ROR2: variants seen among roughly 807,000 people sequenced by gnomAD.
The protein encoded by ROR2 is tyrosine-protein kinase transmembrane receptor ROR2.
In ROR2, 33 loss-of-function variants were observed where a neutral mutation model predicts 74.9. The observed-to-expected ratio is 0.44, with a 90% CI of 0.33 to 0.59. The LOEUF is 0.59. Among genes scored for constraint, ROR2 ranks in the 20% least tolerant of loss-of-function variants. ROR2 has a pLI of 0.02. For synonymous variants in ROR2, 586 were observed against 558.7 expected, an observed-to-expected ratio of 1.05 and a Z score of -0.69; for missense variants, 1,216 against 1,313.8, an observed-to-expected ratio of 0.93 and a Z score of 1.15.
At chr9:91,776,122 G>T (rs1826413876) in intron 1 of ROR2, among the ~76,000 whole-genome samples, 1 of 152,212 alleles carries the variant, frequency 6.6e-6, no homozygotes, top group Non-Finnish European at 1.5e-5. Context: ...GAGCGGGAAG[G>T]AGAGGGAGAG....
intron 1 of ROR2, among the ~76,000 whole-genome samples, chr9:91,839,742 G>A (rs1465657995): frequency 6.6e-6 from 1 of 151,634 alleles, no homozygotes; most frequent in Non-Finnish European, 1.5e-5. Context: ...TGTGGTATGT[G>A]AGTGTGGCGT....
chr9:91,915,337 A>G (rs952028323), intron 1 of ROR2, among the ~76,000 whole-genome samples: 5 of 152,080 alleles, frequency 3.3e-5, no homozygotes, highest in Non-Finnish European at 2.9e-5. Context: ...CCATCTCCCA[A>G]TGGGGAAAGT....
chr9:91,931,783 A>G (rs1831555732), intron 1 of ROR2, among the ~76,000 whole-genome samples: 1 of 152,220 alleles, frequency 6.6e-6, no homozygotes, highest in Admixed American at 6.5e-5. Flanking sequence ...AACAATACTA[A>G]AAACATCATG....
In ROR2 at chr9:91,733,847, G is replaced by A. The variant is rs965471423; in HGVS notation, c.623-411C>T. On this transcript the variant is annotated intron_variant, in intron 5 of 8. Coordinates refer to ENST00000375708, the MANE Select transcript of ROR2 (RefSeq NM_004560.4). The surrounding 1 kb of genome is among the most constrained non-coding windows in gnomAD (Gnocchi z 5.7). ...AGCGCAGGCCAAGAAGTGCAGTACC[G>A]AGCCCCAGGCTTCCCAATGTCCCAG... is the stretch of plus-strand genomic sequence containing the variant. 6.6e-6 allele frequency among the ~76,000 whole-genome samples: 1 copy of A among 152,160 alleles called. No homozygotes were observed. Among genetic ancestry groups the A allele is most frequent in the Non-Finnish European group, 1.5e-5 (1 of 68,038 alleles).
chr9:91,852,026 C>G (rs1587782874), intron 1 of ROR2, among the ~76,000 whole-genome samples: 1 of 150,004 alleles, frequency 6.7e-6, no homozygotes, highest in Admixed American at 6.7e-5. Flanking sequence ...GTCTAATCTT[C>G]TTTCAAATTT....
intron 1 of ROR2, among the ~76,000 whole-genome samples, chr9:91,801,883 A>G (rs886506903): frequency 6.6e-6 from 1 of 152,150 alleles, no homozygotes; most frequent in Non-Finnish European, 1.5e-5. Context: ...GGCAGGGTAA[A>G]GGACCTGGAC....
rs929660489 is a variant in ROR2 at position 91,723,065 on chromosome 9, T to C, written c.*597A>G. 6.2e-6 allele frequency: 1 copy of C among 161,152 alleles called. No homozygotes were observed. Among genetic ancestry groups the C allele is most frequent in the Admixed American group, 6.0e-5 (1 of 16,742 alleles). 10.0% of individuals were successfully genotyped at this position (161,152 alleles called of 1,614,324 possible). On this transcript the variant is annotated 3_prime_UTR_variant, in exon 9 of 9. Coordinates refer to ENST00000375708, the MANE Select transcript of ROR2 (RefSeq NM_004560.4). ...TTCTTTGAAGGCACACATTTTGTTG[T>C]ATCTCAGGAACTCCCATTTCAGAAG...
At chr9:91,800,520 G>A (rs907375693) in intron 1 of ROR2, among the ~76,000 whole-genome samples, 1 of 152,050 alleles carries the variant, frequency 6.6e-6, no homozygotes, top group Admixed American at 6.5e-5. Context: ...GACACACGTG[G>A]CCTCAAGGAA....
At chr9:91,754,318 T>C (rs1283538150) in intron 4 of ROR2, among the ~76,000 whole-genome samples, 1 of 151,052 alleles carries the variant, frequency 6.6e-6, no homozygotes, top group East Asian at 1.9e-4. Flanking sequence ...ATAATATATT[T>C]ATGTAACTAT....
intron 8 of ROR2, among the ~76,000 whole-genome samples, chr9:91,725,964 C>T (rs965043332): frequency 6.6e-6 from 1 of 152,220 alleles, no homozygotes; most frequent in African/African-American, 2.4e-5. Context: ...ATGTTACCTA[C>T]GGCTTGCAAT....
chr9:91,799,920 C>T (rs140612694), intron 1 of ROR2, among the ~76,000 whole-genome samples: 4 of 152,354 alleles, frequency 2.6e-5, no homozygotes, highest in African/African-American at 7.2e-5. Context: ...CCAGGGTCCA[C>T]CAAACAGCAA....
chr9:91,730,457 C>T (rs747666901), intron 7 of ROR2, among the ~76,000 whole-genome samples: 3 of 151,948 alleles, frequency 2.0e-5, no homozygotes, highest in Admixed American at 6.6e-5. Context: ...CAATAACTTG[C>T]GTTATTTATT....
Position 91,892,596 on chromosome 9 carries a change from T to C in ROR2, c.97+57271A>G, listed in dbSNP as rs1329117044. Reference sequence around the variant, plus strand: ...TTTCTTTTTCTTTTCTTTTCTTTTTTTTTTTTTTTTTTCAGATGGAGTCTT... The same window carrying C: ...TTTCTTTTTCTTTTCTTTTCTTTTTCTTTTTTTTTTTTCAGATGGAGTCTT... On this transcript the variant is annotated intron_variant, in intron 1 of 8. Coordinates refer to ENST00000375708, the MANE Select transcript of ROR2 (RefSeq NM_004560.4). Among the ~76,000 whole-genome samples the C allele has an allele frequency of 1.6e-4, 24 of 147,718 alleles. No individual in the cohort carries two copies. The East Asian group carries it at 2.7e-3, about 17-fold the overall frequency.
intron 1 of ROR2, among the ~76,000 whole-genome samples, chr9:91,947,277 G>A (rs968008534): frequency 2.0e-5 from 3 of 152,110 alleles, no homozygotes; most frequent in Non-Finnish European, 4.4e-5. Context: ...GCTTTCCAGA[G>A]CCCTCTCAGT....
chr9:91,725,524 G>A (rs1013831431), intron 8 of ROR2, among the ~76,000 whole-genome samples: 7 of 152,142 alleles, frequency 4.6e-5, no homozygotes, highest in African/African-American at 1.2e-4. Flanking sequence ...GACACATCAC[G>A]TGAGATGTGA....
intron 1 of ROR2, among the ~76,000 whole-genome samples, chr9:91,858,773 C>T (rs7045226): frequency 0.45 from 68,872 of 152,046 alleles, 17,481 homozygotes; most frequent in African/African-American, 0.68. Context: ...TTCTAAGTCC[C>T]GACAAGAACC....
chr9:91,869,164 C>T (rs984949371), intron 1 of ROR2, among the ~76,000 whole-genome samples: 2 of 152,218 alleles, frequency 1.3e-5, no homozygotes, highest in South Asian at 2.1e-4. Context: ...CTCAAGTGAT[C>T]CTTTGGCCTC....
chr9:91,939,212 T>C (rs1246427334), intron 1 of ROR2, among the ~76,000 whole-genome samples: 1 of 151,870 alleles, frequency 6.6e-6, no homozygotes, highest in African/African-American at 2.4e-5. Context: ...ATTGCGCCAC[T>C]GCACTCCAGC....
intron 2 of ROR2, among the ~76,000 whole-genome samples, chr9:91,770,391 G>A (rs1564264573): frequency 6.6e-6 from 1 of 152,240 alleles, no homozygotes; most frequent in Non-Finnish European, 1.5e-5. Flanking sequence ...GCCCACCCCA[G>A]CCTCACTCGG....
Sources: gnomAD v4.1 joint callset for allele counts (sites outside exome capture counted in the v4.1 genomes callset) on GRCh38, gnomAD v4.1.1 for gene constraint, Gnocchi (gnomAD v3.1) non-coding constraint, MANE v1.5 for transcripts, NCBI Gene and HGNC (gene_info 2026-07-23, HGNC 2026-07-21) for gene names.